Variants in CNNM1 observed in about 807,000 individuals in gnomAD.
The protein encoded by CNNM1 is cyclin and CBS domain divalent metal cation transport mediator 1.
A neutral mutation model predicts 78.8 loss-of-function variants in CNNM1; 44 were observed. That is an observed-to-expected ratio of 0.56 (90% CI 0.44 to 0.72). CNNM1 has a LOEUF of 0.72. Ranked by LOEUF, CNNM1 falls within the 30% of genes least tolerant of loss-of-function variation. The pLI, the probability that CNNM1 is intolerant of heterozygous loss-of-function variation, is 0.00. For missense variants in CNNM1, 1,101 were observed against 1,292.2 expected (o/e 0.85, Z 2.27); for synonymous variants, 584 against 581.5 (o/e 1.00, Z -0.06).
rs2031993766 is a variant in CNNM1 at position 99,377,139 on chromosome 10, C to A, written c.2261C>A (p.Thr754Asn). The change falls in exon 7 of 11, where the codon ACC becomes AAC. Residue 754 changes from threonine (T) to asparagine (N), a missense_variant. This residue lies in a region of CNNM1 where 348 missense variants were observed against 384.5 expected (regional missense o/e 0.90). Coordinates refer to ENST00000356713, the MANE Select transcript of CNNM1 (RefSeq NM_020348.3). ...CGCAGTGACTTTGGGGGCAGCAACA[C>A]CCAGCTGTACAGCAGCAGCAACAAC... The part of the protein sequence containing the change: ...RERSDFGGSN[T>N]QLYSSSNNLY... The A allele has an allele frequency of 5.0e-6, 8 of 1,612,800 alleles. No homozygotes were observed. Among genetic ancestry groups the A allele is most frequent in the South Asian group, 1.1e-5 (1 of 90,626 alleles).
At chr10:99,375,065 G>A (rs1247687252) in intron 6 of CNNM1, among the ~76,000 whole-genome samples, 2 of 152,090 alleles carry the variant, frequency 1.3e-5, no homozygotes, top group African/African-American at 2.4e-5. Flanking sequence ...GGGTGGGGAA[G>A]GGAAATGGCA....
At chr10:99,351,048 C>T (rs915483248) in intron 1 of CNNM1, among the ~76,000 whole-genome samples, 2 of 152,212 alleles carry the variant, frequency 1.3e-5, no homozygotes, top group South Asian at 2.1e-4. Context: ...AAAGCAATGC[C>T]TGAAAACCTC....
At chr10:99,389,650 C>T (rs1166712545) in intron 9 of CNNM1, among the ~76,000 whole-genome samples, 1 of 152,036 alleles carries the variant, frequency 6.6e-6, no homozygotes, top group African/African-American at 2.4e-5. Context: ...TCTAGTCCAC[C>T]CTCGTCCTGT....
At chr10:99,362,539 A>G (rs983189704) in intron 4 of CNNM1, 143 bp downstream of exon 4, 12 of 765,414 alleles carry the variant, frequency 1.6e-5, no homozygotes, top group African/African-American at 8.9e-5. Context: ...ACATTTCTTC[A>G]TGACCCACAG....
chr10:99,360,205 C>T (rs1282046782), intron 2 of CNNM1, among the ~76,000 whole-genome samples: 1 of 152,088 alleles, frequency 6.6e-6, no homozygotes, highest in Non-Finnish European at 1.5e-5. Flanking sequence ...GGGGTTGAAG[C>T]AGGGAAATTG....
chr10:99,330,284 C>A lies in CNNM1; in HGVS notation c.897C>A (p.Gly299=). ...GQAGANAALA[G]WLYTSLPPGF... is the part of the protein sequence containing the mutation. The stretch of plus-strand genomic sequence containing the variant: ...CCGGAGCCAACGCGGCCCTGGCTGG[C>A]TGGCTGTACACCTCGCTGCCGCCGG... The change falls in exon 1 of 11, where the codon GGC becomes GGA. Residue 299 remains glycine (G), a synonymous_variant. Transcript: ENST00000356713. The A allele has an allele frequency of 5.7e-6, 9 of 1,574,922 alleles. No homozygotes were observed. The highest frequency in any genetic ancestry group is 7.8e-6 in the Non-Finnish European group (9 of 1,160,736).
At chr10:99,335,563 C>G (rs535364944) in intron 1 of CNNM1, among the ~76,000 whole-genome samples, 3 of 152,126 alleles carry the variant, frequency 2.0e-5, no homozygotes, top group Non-Finnish European at 2.9e-5. Context: ...TAATGTTGTT[C>G]CTTGATCCCA....
In CNNM1 at chr10:99,391,458, C is replaced by T; in HGVS notation, c.2798C>T (p.Ser933Leu). The part of the protein sequence containing the change: ...RTLSGQKRKR[S>L]PEGERTSEDN... Reference sequence around the variant, plus strand: ...TCAGGTGGCCAAAAAAGGAAGAGGTCACCAGAAGGAGAGAGAACCTCTGAG... The same window carrying T: ...TCAGGTGGCCAAAAAAGGAAGAGGTTACCAGAAGGAGAGAGAACCTCTGAG... Residue 933 changes from serine (S) to leucine (L), a missense_variant, in exon 11 of 11, where the codon TCA (serine) becomes TTA (leucine). Transcript: ENST00000356713. The T allele has an allele frequency of 6.2e-7, 1 of 1,613,890 alleles. No individual in the cohort carries two copies. Among genetic ancestry groups the T allele is most frequent in the South Asian group, 1.1e-5 (1 of 91,062 alleles).
At position 99,394,203 on chromosome 10, in the gene CNNM1, C is replaced by T. The variant is rs2032555345; in HGVS notation, c.*2687C>T. ...GTCACCACTCCCCTCCCTATATACC[C>T]CCACCCCACAAAGATTTTCTTCAGG... On this transcript the variant is annotated 3_prime_UTR_variant, in exon 11 of 11. Transcript: ENST00000356713. The T allele has an allele frequency of 6.6e-6, 1 of 152,340 alleles. No individual in the cohort carries two copies. Among genetic ancestry groups the T allele is most frequent in the Admixed American group, 6.6e-5 (1 of 15,242 alleles). 9.4% of individuals were successfully genotyped at this position (152,340 alleles called of 1,614,324 possible).
chr10:99,337,296 C>T (rs1438164792), intron 1 of CNNM1, among the ~76,000 whole-genome samples: 1 of 152,222 alleles, frequency 6.6e-6, no homozygotes, highest in Non-Finnish European at 1.5e-5. Context: ...TTCAGCAGCT[C>T]CCCGCTGCCT....
Position 99,339,134 on chromosome 10 carries a change from G to A in CNNM1, c.1573+8174G>A, listed in dbSNP as rs58408652. Among the ~76,000 whole-genome samples the A allele has an allele frequency of 9.0e-3, 1,368 of 152,300 alleles. 16 individuals carry two copies. Among genetic ancestry groups the A allele is most frequent in the African/African-American group, 0.032 (1,309 of 41,554 alleles). On this transcript the variant is annotated intron_variant, in intron 1 of 10. Transcript: ENST00000356713. ...TTGCTGGGCTAGTAACACCATCTTTGCAAACAAAAAAGCACAACCCACGTA... is the reference window on the plus strand; with the variant it reads ...TTGCTGGGCTAGTAACACCATCTTTACAAACAAAAAAGCACAACCCACGTA...
intron 1 of CNNM1, among the ~76,000 whole-genome samples, chr10:99,342,269 A>G (rs2030488347): frequency 1.3e-5 from 2 of 152,192 alleles, no homozygotes; most frequent in South Asian, 4.1e-4. Flanking sequence ...GACCATATTC[A>G]AAACAGTGGG....
intron 4 of CNNM1, among the ~76,000 whole-genome samples, 197 bp from the exon 5 acceptor site, chr10:99,364,220 G>A (rs1335662600): frequency 6.6e-6 from 1 of 152,180 alleles, no homozygotes; most frequent in Non-Finnish European, 1.5e-5. Context: ...ACGAAGCACT[G>A]AATTTACTGC....
At chr10:99,340,666 C>G (rs1428473033) in intron 1 of CNNM1, among the ~76,000 whole-genome samples, 1 of 151,976 alleles carries the variant, frequency 6.6e-6, no homozygotes, top group African/African-American at 2.4e-5. Context: ...CTGTTATATT[C>G]CTTTTCAAAA....
rs531059010 is a variant in CNNM1 at position 99,393,453 on chromosome 10, A to G, written c.*1937A>G. ...GTATTTATTCTTGTATGTTTTTTCC[A>G]GAGCATTAAAGCTTTCATAAGGTTC... On this transcript the variant is annotated 3_prime_UTR_variant, in exon 11 of 11. Transcript: ENST00000356713. The G allele has an allele frequency of 1.3e-5, 2 of 152,626 alleles. No homozygotes were observed. Among genetic ancestry groups the G allele is most frequent in the East Asian group, 3.9e-4 (2 of 5,186 alleles). 9.5% of individuals were successfully genotyped at this position (152,626 alleles called of 1,614,324 possible). A position where few individuals can be genotyped will look rare whatever the true frequency, so the allele number is the denominator to read the frequency against.
In CNNM1 at chr10:99,390,392, C is replaced by G. The variant is rs1229636625; in HGVS notation, c.2761C>G (p.Leu921Val). 15 of 1,611,860 alleles carry G rather than the reference C, an allele frequency of 9.3e-6. No individual in the cohort carries two copies. In the South Asian group the frequency reaches 1.4e-4, roughly 15 times the overall value. Residue 921 changes from leucine (L) to valine (V), a missense_variant, in exon 10 of 11, where the codon CTG (leucine) becomes GTG (valine). Transcript: ENST00000356713. ...TTTTGAGGAAAACGTGGGCAAGAAG[C>G]TGCTGAGAACCTTGAGTGAGTAGCT... ...SDFEENVGKK[L>V]LRTLSGQKRK...
intron 6 of CNNM1, among the ~76,000 whole-genome samples, chr10:99,375,106 A>G (rs2031922979): frequency 6.6e-6 from 1 of 152,108 alleles, no homozygotes. Context: ...CTGCTTAGTT[A>G]AGGATGCCCA....
chr10:99,353,792 G>C (rs2031033554), intron 1 of CNNM1, among the ~76,000 whole-genome samples: 2 of 152,232 alleles, frequency 1.3e-5, no homozygotes, highest in South Asian at 4.1e-4. Context: ...CAGAGGCTGA[G>C]AGTAAATTAT....
Position 99,387,962 on chromosome 10 carries a change from A to T in CNNM1, c.2483A>T (p.Asp828Val). The change falls in exon 8 of 11, where the codon GAC (aspartate) becomes GTC (valine). Residue 828 changes from aspartate to valine, a missense_variant. Asp to Val is a radical substitution (Grantham distance 152). Around this residue, in one of 3 missense-constraint regions of CNNM1, gnomAD observed 348 missense variants for 384.5 expected, o/e 0.90. Coordinates refer to ENST00000356713, the MANE Select transcript of CNNM1 (RefSeq NM_020348.3). ...GGCACACCCCAGACCCCTAAGGATG[A>T]CCCCGCCATCACGCTCCTCAACAAC... ...TRGTPQTPKD[D>V]PAITLLNNRN... 1 of 1,602,288 alleles carries T rather than the reference A, an allele frequency of 6.2e-7. No individual in the cohort carries two copies. The highest frequency in any genetic ancestry group is 8.5e-7 in the Non-Finnish European group (1 of 1,174,758).
Sources: gnomAD v4.1 joint callset for allele counts (sites outside exome capture counted in the v4.1 genomes callset) on GRCh38, gnomAD v4.1.1 for gene constraint, gnomAD v4.1.1 regional missense constraint, MANE v1.5 for transcripts, NCBI Gene and HGNC (gene_info 2026-07-23, HGNC 2026-07-21) for gene names.